Variants in SAV1 observed in about 807,000 individuals in gnomAD.
SAV1 encodes the protein protein salvador homolog 1.
SAV1 carries 23 observed loss-of-function variants against 47.3 expected under a neutral mutation model. The observed-to-expected ratio is 0.49, with a 90% CI of 0.35 to 0.69. The LOEUF (loss-of-function observed/expected upper bound fraction) is 0.69, where lower values mean the gene tolerates loss of function less well. Ranked by LOEUF, SAV1 falls within the 30% of genes least tolerant of loss-of-function variation. The pLI is 0.01. For synonymous variants in SAV1, 155 were observed against 159.2 expected (o/e 0.97, Z 0.20); for missense variants, 448 against 457.4 (o/e 0.98, Z 0.19).
chr14:50,659,080 T>A (rs10873036), intron 2 of SAV1, among the ~76,000 whole-genome samples: 6 of 133,940 alleles, frequency 4.5e-5, no homozygotes, highest in Admixed American at 1.6e-4. Context: ...AGAATTTTTT[T>A]TTTTTTTTTT....
At position 50,667,992 on chromosome 14, in the gene SAV1, C is replaced by G. The variant is rs1285661125; in HGVS notation, c.-25G>C. The G allele has an allele frequency of 1.3e-6, 2 of 1,592,262 alleles. No homozygotes were observed. Among genetic ancestry groups the G allele is most frequent in the Admixed American group, 3.4e-5 (2 of 58,790 alleles). On this transcript the variant is annotated 5_prime_UTR_variant, in exon 1 of 5. Transcript: ENST00000324679. Reference sequence around the variant, plus strand: ...TCCTTCTCGACGAGGCCCGAGGCCGCGCTGAACTGCCTCCCTAGGGCTCCG... The same window carrying G: ...TCCTTCTCGACGAGGCCCGAGGCCGGGCTGAACTGCCTCCCTAGGGCTCCG...
chr14:50,644,189 G>A (rs1392386482), intron 3 of SAV1, among the ~76,000 whole-genome samples: 1 of 152,160 alleles, frequency 6.6e-6, no homozygotes, highest in African/African-American at 2.4e-5. Context: ...TAAAAGTCTG[G>A]CAACAAAGCA....
chr14:50,658,728 C>A (rs185697088), intron 2 of SAV1, among the ~76,000 whole-genome samples: 418 of 152,314 alleles, frequency 2.7e-3, no homozygotes, highest in Non-Finnish European at 4.4e-3. Flanking sequence ...CCTATCCTAT[C>A]CTCCTACAAA....
At chr14:50,663,097 A>G (rs1474839472) in intron 2 of SAV1, 2 of 152,250 alleles carry the variant, frequency 1.3e-5, no homozygotes, top group Admixed American at 1.3e-4. Flanking sequence ...CACCAAATGG[A>G]AGATTACGCA....
chr14:50,654,374 A>G (rs183861015), intron 2 of SAV1, among the ~76,000 whole-genome samples: 1 of 152,352 alleles, frequency 6.6e-6, no homozygotes, highest in East Asian at 1.9e-4. Flanking sequence ...TTGCTCATCC[A>G]TAAAAAGCAA....
In SAV1 at chr14:50,634,371, A is replaced by G. The variant is rs771909105; in HGVS notation, c.*812T>C. 8 of 306,322 alleles carry G rather than the reference A, an allele frequency of 2.6e-5. No individual in the cohort carries two copies. The highest frequency in any genetic ancestry group is 5.3e-5 in the Non-Finnish European group (8 of 152,042). 19.0% of individuals were successfully genotyped at this position (306,322 alleles called of 1,614,324 possible). A position where few individuals can be genotyped will look rare whatever the true frequency, so the allele number is the denominator to read the frequency against. On this transcript the variant is annotated 3_prime_UTR_variant, in exon 5 of 5. Coordinates refer to ENST00000324679, the MANE Select transcript of SAV1 (RefSeq NM_021818.4). ...TTTTTTATTTTTTATTTTTTGAGAC[A>G]AGGTCTGGCTCTCTCTCTCTCAGGC...
rs151019512 is a variant in SAV1, at chr14:50,639,528, C to T, written c.950+1222G>A. Reference sequence around the variant, plus strand: ...GCAGTAAAGAAGTATAGTACTTGCTCCCTTTTTGTCAGTCTGGCCCATTTT... The same window carrying T: ...GCAGTAAAGAAGTATAGTACTTGCTTCCTTTTTGTCAGTCTGGCCCATTTT... On this transcript the variant is annotated intron_variant, in intron 4 of 4. Coordinates refer to ENST00000324679, the MANE Select transcript of SAV1 (RefSeq NM_021818.4). 1.3e-4 allele frequency among the ~76,000 whole-genome samples: 20 copies of T among 152,260 alleles called. 1 individual carries two copies. The highest frequency in any genetic ancestry group is 4.3e-4 in the African/African-American group (18 of 41,542).
chr14:50,636,498 T>G (rs1180347108), intron 4 of SAV1, among the ~76,000 whole-genome samples: 1 of 152,166 alleles, frequency 6.6e-6, no homozygotes, highest in Non-Finnish European at 1.5e-5. Context: ...AAGGCTTCAG[T>G]GTGGTGAAGG....
intron 2 of SAV1, among the ~76,000 whole-genome samples, chr14:50,652,573 C>T (rs1424527038): frequency 6.6e-6 from 1 of 152,214 alleles, no homozygotes; most frequent in East Asian, 1.9e-4. Context: ...GGGCTCCTGC[C>T]ACCAAAGCAG....
chr14:50,635,794 C>CT (rs1342193914), intron 4 of SAV1, among the ~76,000 whole-genome samples: 5 of 152,158 alleles, frequency 3.3e-5, no homozygotes, highest in African/African-American at 1.2e-4. Context: ...ACTGCAACCT[C>CT]CGCCTCCCGG....
At chr14:50,636,765 G>A (rs1246457775) in intron 4 of SAV1, among the ~76,000 whole-genome samples, 1 of 152,194 alleles carries the variant, frequency 6.6e-6, no homozygotes, top group Non-Finnish European at 1.5e-5. Flanking sequence ...GGACCAAGAT[G>A]CTTCAAAATA....
In SAV1 at chr14:50,634,250, A is replaced by G; in HGVS notation, c.*933T>C. ...CAATACAGGCTAAGTATTCCTGCTT[A>G]TATGTATTCCTGAAAGATTAAAAGG... On this transcript the variant is annotated 3_prime_UTR_variant, in exon 5 of 5. Transcript: ENST00000324679. 1 of 436,248 alleles carries G rather than the reference A, an allele frequency of 2.3e-6. No individual in the cohort carries two copies. The highest frequency in any genetic ancestry group is 1.6e-5 in the South Asian group (1 of 61,392). 27.0% of individuals were successfully genotyped at this position (436,248 alleles called of 1,614,324 possible). A position where few individuals can be genotyped will look rare whatever the true frequency, so the allele number is the denominator to read the frequency against.
rs375439994 is a variant in SAV1 at position 50,638,281 on chromosome 14, A to T, written c.950+2469T>A. Among the ~76,000 whole-genome samples, 19 of 152,328 alleles carry T rather than the reference A, an allele frequency of 1.2e-4. No homozygotes were observed. In the East Asian group the frequency reaches 3.7e-3, roughly 29 times the overall value. On this transcript the variant is annotated intron_variant, in intron 4 of 4. Transcript: ENST00000324679. Reference sequence around the variant, plus strand: ...CAAGAAATTTGCTTCCACAAGTTTAACTTTTAGTCATTTATACTGTATATA... The same window carrying T: ...CAAGAAATTTGCTTCCACAAGTTTATCTTTTAGTCATTTATACTGTATATA...
intron 2 of SAV1, chr14:50,662,734 AG>A (rs1183674655): frequency 3.3e-5 from 5 of 152,242 alleles, no homozygotes; most frequent in Non-Finnish European, 7.3e-5. Flanking sequence ...CAGGTAGAAA[AG>A]TATTACAAGC....
chr14:50,659,637 T>C (rs761445023), intron 2 of SAV1, among the ~76,000 whole-genome samples: 4 of 152,166 alleles, frequency 2.6e-5, no homozygotes, highest in African/African-American at 4.8e-5. Flanking sequence ...TTGCTTGAGC[T>C]TGGGAGTTTG....
At chr14:50,660,255 C>T (rs1209128027) in intron 2 of SAV1, among the ~76,000 whole-genome samples, 1 of 152,188 alleles carries the variant, frequency 6.6e-6, no homozygotes, top group Non-Finnish European at 1.5e-5. Flanking sequence ...CATACCAGTC[C>T]AATCACCAGC....
chr14:50,656,711 G>C (rs1294615968), intron 2 of SAV1, among the ~76,000 whole-genome samples: 2 of 152,050 alleles, frequency 1.3e-5, no homozygotes, highest in Non-Finnish European at 1.5e-5. Flanking sequence ...CAAAGTGCTG[G>C]GATTACAGGC....
Position 50,635,018 on chromosome 14 carries a change from T to C in SAV1, c.*165A>G, listed in dbSNP as rs1461360497. The C allele has an allele frequency of 5.0e-6, 3 of 605,958 alleles. No individual in the cohort carries two copies. The highest frequency in any genetic ancestry group is 3.0e-5 in the Admixed American group (1 of 32,822). The allele number at this position is 605,958 out of a possible 1,614,324, so 37.5% of individuals were successfully genotyped here. A position where few individuals can be genotyped will look rare whatever the true frequency, so the allele number is the denominator to read the frequency against. On this transcript the variant is annotated 3_prime_UTR_variant, in exon 5 of 5. Coordinates refer to ENST00000324679, the MANE Select transcript of SAV1 (RefSeq NM_021818.4). ...TCTTAAAATGATAGACTAATTTTTC[T>C]CATTCAATAAAAGAAAATTTCTAAT... is the stretch of plus-strand genomic sequence containing the variant.
At chr14:50,666,800 C>T (rs1377957143) in intron 1 of SAV1, among the ~76,000 whole-genome samples, 1 of 148,108 alleles carries the variant, frequency 6.8e-6, no homozygotes, top group Non-Finnish European at 1.5e-5. Context: ...AAAAAAACAA[C>T]TTAAAAATCA....
Sources: allele counts gnomAD v4.1 joint callset (sites outside exome capture counted in the v4.1 genomes callset), GRCh38; gene constraint gnomAD v4.1.1; transcripts MANE v1.5; gene names NCBI Gene and HGNC (gene_info 2026-07-23, HGNC 2026-07-21).